Variants in VHL observed in about 807,000 individuals in gnomAD.
VHL encodes the protein von Hippel-Lindau disease tumor suppressor.
A neutral mutation model predicts 19.2 loss-of-function variants in VHL; 10 were observed. The ratio of observed to expected loss-of-function variants is 0.52; its 90% CI spans 0.32 to 0.89. The LOEUF (loss-of-function observed/expected upper bound fraction) is 0.89. VHL is among the 40% of genes least tolerant of loss of function. The pLI is 0.03. For missense variants in VHL, 328 were observed against 292.7 expected, an observed-to-expected ratio of 1.12 and a Z score of -0.88; for synonymous variants, 167 against 129.5, an observed-to-expected ratio of 1.29 and a Z score of -1.97.
chr3:10,144,089 A>G (rs1222247469), intron 1 of VHL, among the ~76,000 whole-genome samples: 1 of 152,126 alleles, frequency 6.6e-6, no homozygotes, highest in Non-Finnish European at 1.5e-5. Flanking sequence ...AGGGATCAAC[A>G]TTTCTGTAGG....
intron 1 of VHL, among the ~76,000 whole-genome samples, chr3:10,144,387 G>T (rs1696202421): frequency 6.6e-6 from 1 of 151,818 alleles, no homozygotes; most frequent in Non-Finnish European, 1.5e-5. Context: ...GAGGCAGGAA[G>T]ATCACCCGAA....
In VHL at chr3:10,141,973, G is replaced by C; in HGVS notation, c.126G>C (p.Glu42Asp). ...ESGAEESGPE[E>D]SGPEELGAEE... is the part of the protein sequence containing the mutation. Reference sequence around the variant, plus strand: ...GCGCCGAGGAGTCCGGCCCGGAAGAGTCCGGCCCGGAGGAACTGGGCGCCG... The same window carrying C: ...GCGCCGAGGAGTCCGGCCCGGAAGACTCCGGCCCGGAGGAACTGGGCGCCG... The change falls in exon 1 of 3, where the codon GAG (glutamate) becomes GAC (aspartate). Residue 42 changes from glutamate to aspartate, a missense_variant. Physicochemically the swap from Glu to Asp is conservative, Grantham distance 45. Transcript: ENST00000256474. 1.3e-6 allele frequency: 2 copies of C among 1,559,536 alleles called. No homozygotes were observed. The highest frequency in any genetic ancestry group is 2.4e-5 in the East Asian group (1 of 41,570).
intron 2 of VHL, among the ~76,000 whole-genome samples, chr3:10,147,669 T>C (rs958979646): frequency 6.6e-6 from 1 of 150,764 alleles, no homozygotes; most frequent in South Asian, 2.1e-4. Context: ...CCAGCCTGTT[T>C]TTTTTTTTTT....
intron 1 of VHL, among the ~76,000 whole-genome samples, chr3:10,145,064 C>A (rs1030875363): frequency 2.0e-5 from 3 of 152,068 alleles, no homozygotes; most frequent in African/African-American, 7.2e-5. Flanking sequence ...TGGTGGCATG[C>A]GCCTGTTTAG....
At chr3:10,142,259 G>T in intron 1 of VHL, 72 bp downstream of exon 1, 1 of 1,530,246 alleles carries the variant, frequency 6.5e-7, no homozygotes, top group Non-Finnish European at 8.8e-7. Context: ...ACCGCCCCGG[G>T]GTCCATTTTG....
rs1696434002 is a variant in VHL at position 10,152,442 on chromosome 3, A to T, written c.*2477A>T. Among the ~76,000 whole-genome samples the T allele has an allele frequency of 6.7e-6, 1 of 149,842 alleles. No individual in the cohort carries two copies. The highest frequency in any genetic ancestry group is 6.7e-5 in the Admixed American group (1 of 14,980). On this transcript the variant is annotated 3_prime_UTR_variant, in exon 3 of 3. Coordinates refer to ENST00000256474, the MANE Select transcript of VHL (RefSeq NM_000551.4). ...AGTTTTCCTTCTACTCCGAATTTCA[A>T]CTGATTTTAGCTCCTCCTTTCAACA...
rs1196374116 is a variant in VHL at position 10,153,524 on chromosome 3, ATGTT to A, written c.*3565_*3568del. 1.3e-5 allele frequency among the ~76,000 whole-genome samples: 2 copies of A among 152,230 alleles called. No individual in the cohort carries two copies. The highest frequency in any genetic ancestry group is 3.9e-4 in the East Asian group (2 of 5,188). ...AAATTAAAAACCTGTAGCATGAATA[ATGTT>A]TGTTTTTCATTTCGAATCTTGTGAA... is the stretch of plus-strand genomic sequence containing the variant. On this transcript the variant is annotated 3_prime_UTR_variant, in exon 3 of 3. Transcript: ENST00000256474.
chr3:10,144,039 C>T (rs1048652050), intron 1 of VHL, among the ~76,000 whole-genome samples: 6 of 152,176 alleles, frequency 3.9e-5, no homozygotes, highest in Admixed American at 1.3e-4. Context: ...TACACTTTTA[C>T]ACCAGACTTC....
Position 10,141,976 on chromosome 3 carries a change from C to A in VHL, c.129C>A (p.Ser43=). Residue 43 remains serine (S), a synonymous_variant, in exon 1 of 3, where the codon TCC becomes TCA. Transcript: ENST00000256474. ...CCGAGGAGTCCGGCCCGGAAGAGTC[C>A]GGCCCGGAGGAACTGGGCGCCGAGG... The part of the protein sequence containing the change: ...SGAEESGPEE[S]GPEELGAEEE... 6.4e-7 allele frequency: 1 copy of A among 1,561,470 alleles called. No homozygotes were observed.
At position 10,153,005 on chromosome 3, in the gene VHL, G is replaced by T. The variant is rs923804041; in HGVS notation, c.*3040G>T. On this transcript the variant is annotated 3_prime_UTR_variant, in exon 3 of 3. Transcript: ENST00000256474. ...TTAAAATACAAAAATTGCCGGCCGC[G>T]GCGGCTCATGCCTGTAATCCCAGCA... 6.6e-6 allele frequency among the ~76,000 whole-genome samples: 1 copy of T among 151,430 alleles called. No individual in the cohort carries two copies. Among genetic ancestry groups the T allele is most frequent in the Admixed American group, 6.6e-5 (1 of 15,210 alleles).
chr3:10,146,664 T>G (rs1273709773), intron 2 of VHL, 28 bp downstream of exon 2: 4 of 1,611,926 alleles, frequency 2.5e-6, no homozygotes, highest in African/African-American at 1.3e-5. Context: ...TTTAAAAAGA[T>G]AAGGTTGTTG....
chr3:10,147,713 A>G (rs1696298004), intron 2 of VHL, among the ~76,000 whole-genome samples: 2 of 148,946 alleles, frequency 1.3e-5, no homozygotes, highest in East Asian at 1.9e-4. Context: ...ATACTTCACT[A>G]TTTGTTTGAA....
At position 10,150,289 on chromosome 3, in the gene VHL, A is replaced by G. The variant is rs914291596; in HGVS notation, c.*324A>G. 5 of 1,279,474 alleles carry G rather than the reference A, an allele frequency of 3.9e-6. No homozygotes were observed. The Admixed American group carries it at 1.7e-4, about 43-fold the overall frequency. The allele number at this position is 1,279,474 out of a possible 1,614,324, so 79.3% of individuals were successfully genotyped here. On this transcript the variant is annotated 3_prime_UTR_variant, in exon 3 of 3. Transcript: ENST00000256474. Reference sequence around the variant, plus strand: ...AGTAATTCAGTGGGAATTGCAGCATATCGTTTAATTTTAAGAAGGCATTGG... The same window carrying G: ...AGTAATTCAGTGGGAATTGCAGCATGTCGTTTAATTTTAAGAAGGCATTGG...
chr3:10,142,306 TC>T, intron 1 of VHL, 119 bp downstream of exon 1: 2 of 1,003,312 alleles, frequency 2.0e-6, no homozygotes, highest in African/African-American at 1.6e-5. Flanking sequence ...GCAGGACACA[TC>T]CAGGGTGACG....
intron 2 of VHL, among the ~76,000 whole-genome samples, chr3:10,148,837 A>G (rs1460094729): frequency 6.6e-6 from 1 of 151,500 alleles, no homozygotes; most frequent in Non-Finnish European, 1.5e-5. Context: ...AAGCCTGGCT[A>G]ATTTTTTGCA....
rs1207846445 is a variant in VHL at position 10,150,183 on chromosome 3, A to AG, written c.*219dup. 1.4e-6 allele frequency: 2 copies of AG among 1,409,952 alleles called. No homozygotes were observed. The highest frequency in any genetic ancestry group is 5.2e-5 in the Admixed American group (2 of 38,684). 87.3% of individuals were successfully genotyped at this position (1,409,952 alleles called of 1,614,324 possible). On this transcript the variant is annotated 3_prime_UTR_variant, in exon 3 of 3. Coordinates refer to ENST00000256474, the MANE Select transcript of VHL (RefSeq NM_000551.4). The stretch of plus-strand genomic sequence containing the variant: ...ATGTAATTTAATGCCTGCCCATTAG[A>AG]GAAGTATTTATCAGGAGAAGGTGGT...
chr3:10,144,685 T>C (rs896935592), intron 1 of VHL, among the ~76,000 whole-genome samples: 4 of 151,922 alleles, frequency 2.6e-5, no homozygotes, highest in African/African-American at 9.7e-5. Flanking sequence ...CTAATTTCTT[T>C]TTTTATTTTT....
intron 2 of VHL, among the ~76,000 whole-genome samples, chr3:10,147,036 G>A (rs1438569941): frequency 1.3e-5 from 2 of 152,100 alleles, no homozygotes; most frequent in African/African-American, 4.8e-5. Context: ...TTTTGAGACA[G>A]AATCTCGCTG....
intron 2 of VHL, 76 bp from the exon 3 acceptor site, chr3:10,149,711 G>A (rs900864454): frequency 2.3e-6 from 3 of 1,298,834 alleles, no homozygotes; most frequent in Non-Finnish European, 3.3e-6. Context: ...ACAGGTAGTT[G>A]TTGGCAAAGC....
Sources: allele counts gnomAD v4.1 joint callset (sites outside exome capture counted in the v4.1 genomes callset), GRCh38; gene constraint gnomAD v4.1.1; transcripts MANE v1.5; gene names NCBI Gene and HGNC (gene_info 2026-07-23, HGNC 2026-07-21).